Variants in MMP16 observed in about 807,000 individuals in gnomAD.
The protein encoded by MMP16 is matrix metallopeptidase 16.
A neutral mutation model predicts 67.8 loss-of-function variants in MMP16; 12 were observed. The observed-to-expected ratio is 0.18, with a 90% CI of 0.11 to 0.29. The LOEUF is 0.29. MMP16 is among the 10% of genes least tolerant of loss of function. The pLI is 1.00. For missense variants in MMP16, 475 were observed against 765.7 expected (o/e 0.62, Z 4.48); for synonymous variants, 249 against 255.9 (o/e 0.97, Z 0.26).
intron 4 of MMP16, among the ~76,000 whole-genome samples, chr8:88,159,681 G>A (rs1402246075): frequency 1.3e-5 from 2 of 152,110 alleles, no homozygotes; most frequent in African/African-American, 2.4e-5. Flanking sequence ...GAATAGGAGT[G>A]GTGAGAGAGG....
intron 6 of MMP16, among the ~76,000 whole-genome samples, chr8:88,109,986 T>C (rs1310821195): frequency 6.6e-6 from 1 of 151,262 alleles, no homozygotes; most frequent in Non-Finnish European, 1.5e-5. Flanking sequence ...TAATAAAATA[T>C]ATCCTAAATT....
rs1005464569 is a variant in MMP16 at position 88,057,096 on chromosome 8, T to C, written c.1223-818A>G. 7.9e-5 allele frequency among the ~76,000 whole-genome samples: 12 copies of C among 152,134 alleles called. No individual in the cohort carries two copies. The East Asian group carries it at 2.1e-3, about 27-fold the overall frequency. On this transcript the variant is annotated intron_variant, in intron 7 of 9. Transcript: ENST00000286614. Reference sequence around the variant, plus strand: ...AAGCTTTTTGTTCTGGAGTCACCAATGCCCTCCAACTAAAAAATTTTCCAC... The same window carrying C: ...AAGCTTTTTGTTCTGGAGTCACCAACGCCCTCCAACTAAAAAATTTTCCAC...
rs1809443269 is a variant in MMP16, at chr8:88,116,710, C to G, written c.880G>C (p.Asp294His). The G allele has an allele frequency of 1.2e-6, 2 of 1,613,142 alleles. No homozygotes were observed. The highest frequency in any genetic ancestry group is 1.1e-5 in the South Asian group (1 of 91,050). Residue 294 changes from aspartate (D) to histidine (H), a missense_variant, in exon 6 of 10, where the codon GAC becomes CAC. By Grantham distance (81) the Asp-to-His change is moderately conservative. This residue lies in a region of MMP16 where 195 missense variants were observed against 300.9 expected (regional missense o/e 0.65). Coordinates refer to ENST00000286614, the MANE Select transcript of MMP16 (RefSeq NM_005941.5). ...GGTCTTGTAGGTGGAGGAATCTTGT[C>G]AGGTGGACCTTTTGAAAATATGAGG... ...QGIQKIYGPP[D>H]KIPPPTRPLP... is the part of the protein sequence containing the mutation.
intron 1 of MMP16, among the ~76,000 whole-genome samples, chr8:88,205,723 A>G (rs570445035): frequency 4.0e-4 from 61 of 152,278 alleles, no homozygotes; most frequent in African/African-American, 1.4e-3. Context: ...GCTAGTATCT[A>G]CAGATGACCA....
intron 1 of MMP16, among the ~76,000 whole-genome samples, chr8:88,279,534 A>T (rs1810700258): frequency 6.6e-6 from 1 of 152,152 alleles, no homozygotes; most frequent in South Asian, 2.1e-4. Context: ...TGAGGGGCTA[A>T]ATTGTCACTG....
At chr8:88,208,958 G>A (rs1343287602) in intron 1 of MMP16, among the ~76,000 whole-genome samples, 2 of 152,064 alleles carry the variant, frequency 1.3e-5, no homozygotes, top group Non-Finnish European at 2.9e-5. Context: ...AGCGATGAGT[G>A]CATCTGAACC....
chr8:88,158,442 T>A (rs1808552860), intron 4 of MMP16, among the ~76,000 whole-genome samples: 1 of 152,234 alleles, frequency 6.6e-6, no homozygotes, highest in Admixed American at 6.5e-5. Context: ...CTTTTTCATG[T>A]GTCTGTTGGC....
intron 1 of MMP16, among the ~76,000 whole-genome samples, chr8:88,325,471 C>G (rs1811521430): frequency 6.6e-6 from 1 of 152,142 alleles, no homozygotes; most frequent in Admixed American, 6.5e-5. Context: ...ACCATCACCA[C>G]CAACCTGAAG....
intron 1 of MMP16, among the ~76,000 whole-genome samples, chr8:88,207,979 T>G (rs902891724): frequency 6.6e-6 from 1 of 152,124 alleles, no homozygotes; most frequent in African/African-American, 2.4e-5. Context: ...GTTTGATAAT[T>G]TTAGAAAAAG....
intron 1 of MMP16, among the ~76,000 whole-genome samples, chr8:88,257,097 G>A (rs1485609232): frequency 6.6e-6 from 1 of 152,010 alleles, no homozygotes; most frequent in African/African-American, 2.4e-5. Flanking sequence ...CCTTTTAACA[G>A]TTGTTCTTTG....
intron 1 of MMP16, among the ~76,000 whole-genome samples, chr8:88,237,049 T>C (rs971079308): frequency 2.0e-5 from 3 of 152,298 alleles, no homozygotes; most frequent in South Asian, 2.1e-4. Flanking sequence ...TCTCCGCAAC[T>C]GCTCAAAATC....
intron 1 of MMP16, among the ~76,000 whole-genome samples, chr8:88,284,438 G>A (rs574368712): frequency 1.9e-4 from 29 of 151,934 alleles, no homozygotes; most frequent in Admixed American, 3.9e-4. Context: ...ATACAATGAC[G>A]ATACTGACTT....
At chr8:88,078,998 C>T (rs1317326093) in intron 6 of MMP16, among the ~76,000 whole-genome samples, 2 of 152,160 alleles carry the variant, frequency 1.3e-5, no homozygotes, top group African/African-American at 4.8e-5. Context: ...GAGATGACTG[C>T]AATGCCAATG....
At chr8:88,097,421 T>C (rs562788480) in intron 6 of MMP16, among the ~76,000 whole-genome samples, 2 of 149,938 alleles carry the variant, frequency 1.3e-5, no homozygotes, top group South Asian at 4.2e-4. Flanking sequence ...TGCCCAGGAG[T>C]TCGGGAGCAG....
In MMP16 at chr8:88,327,208, G is replaced by A; in HGVS notation, c.-2C>T. Reference sequence around the variant, plus strand: ...AGTGCTGAATGTGAGTAAGATCATAGTGAACTGTGCTTCAATGGATGGACG... The same window carrying A: ...AGTGCTGAATGTGAGTAAGATCATAATGAACTGTGCTTCAATGGATGGACG... On this transcript the variant is annotated 5_prime_UTR_variant, in exon 1 of 10. Coordinates refer to ENST00000286614, the MANE Select transcript of MMP16 (RefSeq NM_005941.5). The A allele has an allele frequency of 6.2e-7, 1 of 1,613,918 alleles. No individual in the cohort carries two copies. Among genetic ancestry groups the A allele is most frequent in the Non-Finnish European group, 8.5e-7 (1 of 1,179,886 alleles).
intron 1 of MMP16, among the ~76,000 whole-genome samples, chr8:88,267,380 C>A (rs894598973): frequency 6.6e-6 from 1 of 152,224 alleles, no homozygotes; most frequent in Non-Finnish European, 1.5e-5. Flanking sequence ...TTACCCAAGA[C>A]TCTCTCCCAT....
At chr8:88,242,369 T>C (rs1217294764) in intron 1 of MMP16, among the ~76,000 whole-genome samples, 1 of 152,208 alleles carries the variant, frequency 6.6e-6, no homozygotes, top group Non-Finnish European at 1.5e-5. Flanking sequence ...TCAGTTGTCA[T>C]AGACTTAGGG....
At chr8:88,282,602 A>G (rs1810759081) in intron 1 of MMP16, among the ~76,000 whole-genome samples, 1 of 152,176 alleles carries the variant, frequency 6.6e-6, no homozygotes, top group Non-Finnish European at 1.5e-5. Flanking sequence ...AAATGAACAC[A>G]ATGTCTTTGA....
chr8:88,240,369 G>A (rs1311660070), intron 1 of MMP16, among the ~76,000 whole-genome samples: 1 of 152,154 alleles, frequency 6.6e-6, no homozygotes, highest in Non-Finnish European at 1.5e-5. Flanking sequence ...GATAGCATGA[G>A]TGGTGGCCTT....
Sources: allele counts gnomAD v4.1 joint callset (sites outside exome capture counted in the v4.1 genomes callset), GRCh38; gene constraint gnomAD v4.1.1; regional missense constraint gnomAD v4.1.1; transcripts MANE v1.5; gene names NCBI Gene and HGNC (gene_info 2026-07-23, HGNC 2026-07-21).